The following AKAP19 variants were observed in gnomAD, a reference collection of about 807,000 sequenced individuals.
The protein encoded by AKAP19 is small A-kinase anchoring protein.
the AKAP19 span, among the ~76,000 whole-genome samples, chr2:189,914,077 C>A: frequency 5.9e-5 from 9 of 151,976 alleles, no homozygotes; most frequent in African/African-American, 2.2e-4. Context: ...TAAACAGATG[C>A]AGAAAGTAAT....
At chr2:189,980,072 A>G in the AKAP19 span, among the ~76,000 whole-genome samples, 265 of 152,316 alleles carry the variant, frequency 1.7e-3, 2 homozygotes, top group Non-Finnish European at 2.4e-3. Context: ...GCACCTACCC[A>G]AAGAAAAGGA....
chr2:189,993,077 G>A, the AKAP19 span, among the ~76,000 whole-genome samples: 6 of 152,190 alleles, frequency 3.9e-5, no homozygotes, highest in Non-Finnish European at 1.5e-5. Flanking sequence ...GTGAAAGTGG[G>A]CATCCTTGTC....
the AKAP19 span, among the ~76,000 whole-genome samples, chr2:190,045,592 A>C: frequency 6.6e-6 from 1 of 152,178 alleles, no homozygotes; most frequent in Non-Finnish European, 1.5e-5. Context: ...GGAATGGCTA[A>C]GGCACCCAAA....
chr2:190,000,623 C>T, the AKAP19 span, among the ~76,000 whole-genome samples: 1 of 152,190 alleles, frequency 6.6e-6, no homozygotes. Context: ...GGTTTACCTT[C>T]ATTAATGAAG....
the AKAP19 span, among the ~76,000 whole-genome samples, chr2:190,156,231 AT>A: frequency 6.6e-6 from 1 of 152,184 alleles, no homozygotes; most frequent in Non-Finnish European, 1.5e-5. Flanking sequence ...AAGATAGGTT[AT>A]TTTTAAAATA....
chr2:190,144,676 A>G, the AKAP19 span, among the ~76,000 whole-genome samples: 1 of 152,162 alleles, frequency 6.6e-6, no homozygotes, highest in Non-Finnish European at 1.5e-5. Context: ...CTTTTGTTTT[A>G]ACATAAAAAT....
chr2:190,142,012 C>G, the AKAP19 span, among the ~76,000 whole-genome samples: 1 of 152,180 alleles, frequency 6.6e-6, no homozygotes, highest in Non-Finnish European at 1.5e-5. Context: ...CATGCTACTT[C>G]GTGGGTCCCA....
chr2:189,993,241 G>C, the AKAP19 span, among the ~76,000 whole-genome samples: 1 of 152,136 alleles, frequency 6.6e-6, no homozygotes, highest in African/African-American at 2.4e-5. Flanking sequence ...GCTGGATTTT[G>C]TCAGATGCTT....
chr2:190,045,048 G>C, the AKAP19 span, among the ~76,000 whole-genome samples: 1 of 152,170 alleles, frequency 6.6e-6, no homozygotes, highest in Non-Finnish European at 1.5e-5. Context: ...CTGAAGGCTG[G>C]AATGTCTAAG....
the AKAP19 span, among the ~76,000 whole-genome samples, chr2:189,970,479 T>A: frequency 6.6e-5 from 10 of 152,328 alleles, no homozygotes; most frequent in Non-Finnish European, 1.5e-4. Flanking sequence ...GTAAATGGCA[T>A]CACAATGTAT....
chr2:190,001,982 T>C, the AKAP19 span, among the ~76,000 whole-genome samples: 6 of 152,300 alleles, frequency 3.9e-5, no homozygotes, highest in South Asian at 1.2e-3. Context: ...CCATTTGGTA[T>C]GGGCATCATC....
At chr2:190,006,751 G>T in the AKAP19 span, among the ~76,000 whole-genome samples, 79 of 151,950 alleles carry the variant, frequency 5.2e-4, no homozygotes, top group Non-Finnish European at 8.8e-5. Context: ...AGGCGCGGTG[G>T]CTCACGCCTG....
chr2:190,134,493 G>T, the AKAP19 span, among the ~76,000 whole-genome samples: 889 of 151,864 alleles, frequency 5.9e-3, 5 homozygotes, highest in African/African-American at 0.02. Flanking sequence ...TATAACATGG[G>T]TATCTTTTAG....
At chr2:189,965,349 T>G in the AKAP19 span, among the ~76,000 whole-genome samples, 1 of 152,188 alleles carries the variant, frequency 6.6e-6, no homozygotes, top group Admixed American at 6.5e-5. Flanking sequence ...ATTGAAATAC[T>G]TAGAGAATTA....
At chr2:189,999,154 G>GTT in the AKAP19 span, among the ~76,000 whole-genome samples, 3 of 146,382 alleles carry the variant, frequency 2.0e-5, no homozygotes, top group African/African-American at 7.5e-5. Context: ...TATTTTTCCA[G>GTT]TTTTTTTTTT....
the AKAP19 span, among the ~76,000 whole-genome samples, chr2:190,197,207 G>A: frequency 3.9e-5 from 6 of 152,154 alleles, no homozygotes; most frequent in Admixed American, 1.3e-4. This position sits in a 1 kb window ranked among gnomAD's most constrained non-coding sequence, Gnocchi z 4.0. Context: ...TAGCTCACAA[G>A]CCTAAGTCAT....
chr2:190,119,303 A>C, the AKAP19 span, among the ~76,000 whole-genome samples: 2 of 152,102 alleles, frequency 1.3e-5, no homozygotes, highest in Non-Finnish European at 2.9e-5. Context: ...GAAAGAGGGA[A>C]CCCCGCGCTT....
the AKAP19 span, among the ~76,000 whole-genome samples, chr2:189,888,248 A>C: frequency 6.6e-6 from 1 of 152,226 alleles, no homozygotes; most frequent in Admixed American, 6.5e-5. Context: ...GGTTTATCAA[A>C]GATCAAATGG....
At chr2:189,897,295 G>A in the AKAP19 span, among the ~76,000 whole-genome samples, 3 of 152,024 alleles carry the variant, frequency 2.0e-5, no homozygotes, top group Admixed American at 6.5e-5. Context: ...AACAAACCTT[G>A]TTATATATAA....
Sources: allele counts gnomAD v4.1 joint callset (sites outside exome capture counted in the v4.1 genomes callset), GRCh38; gene constraint gnomAD v4.1.1; non-coding constraint Gnocchi (gnomAD v3.1); transcripts MANE v1.5; gene names NCBI Gene and HGNC (gene_info 2026-07-23, HGNC 2026-07-21).